Variants in UGT3A1 observed in about 807,000 individuals in gnomAD.
UGT3A1 encodes the protein UDP-glycosyltransferase 3A1.
A neutral mutation model predicts 37.6 loss-of-function variants in UGT3A1; 40 were observed. The observed-to-expected ratio is 1.06, with a 90% CI of 0.83 to 1.38. UGT3A1 has a LOEUF of 1.38. UGT3A1 is among the 40% of genes most tolerant of loss of function. UGT3A1 has a pLI of 0.00. For synonymous variants in UGT3A1, 256 were observed against 232.3 expected (o/e 1.10, Z -0.93); for missense variants, 642 against 634.2 (o/e 1.01, Z -0.13).
upstream of UGT3A1, chr5:35,991,593 G>A: frequency 9.6e-7 from 1 of 1,037,390 alleles, no homozygotes; most frequent in Non-Finnish European, 1.2e-6. Flanking sequence ...AGTAAATCAC[G>A]TTAATGAAGG....
rs575358058 is a variant in UGT3A1 at position 36,000,090 on chromosome 5, A to G, written c.-160+878T>C. Reference sequence around the variant, plus strand: ...TCCTCAGGCCTGGTGGAGAGGCCCAATGGAATAATTAAAACATATCTAAGT... The same window carrying G: ...TCCTCAGGCCTGGTGGAGAGGCCCAGTGGAATAATTAAAACATATCTAAGT... On this transcript the variant is annotated intron_variant, in intron 1 of 5. Coordinates refer to the UGT3A1 transcript ENST00000625798. 3.8e-4 allele frequency among the ~76,000 whole-genome samples: 58 copies of G among 152,314 alleles called. 1 individual carries two copies. The highest frequency in any genetic ancestry group is 3.4e-3 in the Middle Eastern group (1 of 294).
At chr5:35,994,310 A>AGTTTT (rs1160523158), upstream of UGT3A1, among the ~76,000 whole-genome samples, 6 of 138,764 alleles carry the variant, frequency 4.3e-5, no homozygotes, top group East Asian at 4.2e-4. Context: ...TGTTGTTTCT[A>AGTTTT]GTTTTGTTTT....
chr5:35,985,079 T>TTAA (rs1554074567), intron 2 of UGT3A1, among the ~76,000 whole-genome samples: 138 of 116,030 alleles, frequency 1.2e-3, no homozygotes, highest in African/African-American at 4.4e-3. Flanking sequence ...ACATAAAATA[T>TTAA]AAAAAAAAAA....
intron 2 of UGT3A1, among the ~76,000 whole-genome samples, chr5:35,983,319 C>T (rs1302140412): frequency 6.6e-6 from 1 of 151,934 alleles, no homozygotes; most frequent in African/African-American, 2.4e-5. Context: ...GTATAAATTC[C>T]AAGGCACGTA....
upstream of UGT3A1, among the ~76,000 whole-genome samples, chr5:35,995,434 G>A (rs371723491): frequency 6.6e-6 from 1 of 152,164 alleles, no homozygotes; most frequent in East Asian, 1.9e-4. Context: ...CTGGTCAAAG[G>A]CTGAATTACG....
At chr5:35,955,396 C>G (rs1739311644) in intron 6 of UGT3A1, 8 of 597,984 alleles carry the variant, frequency 1.3e-5, no homozygotes, top group Middle Eastern at 4.4e-4. Flanking sequence ...TAAGATCAGT[C>G]AAAGAGATCA....
At chr5:36,000,107 T>C (rs1248946083) in intron 1 of UGT3A1, among the ~76,000 whole-genome samples, 5 of 152,192 alleles carry the variant, frequency 3.3e-5, no homozygotes, top group Non-Finnish European at 7.3e-5. Flanking sequence ...AATTAAAACA[T>C]ATCTAAGTTC....
intron 6 of UGT3A1, chr5:35,954,682 A>T: frequency 1.7e-6 from 1 of 595,330 alleles, no homozygotes; most frequent in East Asian, 2.8e-5. Context: ...ACCCACATAC[A>T]AAGACCAATG....
At chr5:35,974,086 A>T (rs10070851) in intron 2 of UGT3A1, among the ~76,000 whole-genome samples, 19,743 of 152,182 alleles carry the variant, frequency 0.13, 1,863 homozygotes, top group East Asian at 0.38. Context: ...AAGAGGAGGC[A>T]AAGTACCTTG....
intron 2 of UGT3A1, among the ~76,000 whole-genome samples, chr5:35,981,697 G>A (rs1398655432): frequency 1.3e-5 from 2 of 152,344 alleles, no homozygotes; most frequent in Middle Eastern, 3.4e-3. Flanking sequence ...ACCTGACCAT[G>A]TGGTAGAAAA....
At chr5:35,963,854 G>T (rs1222492921) in intron 4 of UGT3A1, among the ~76,000 whole-genome samples, 2 of 152,200 alleles carry the variant, frequency 1.3e-5, no homozygotes, top group Non-Finnish European at 2.9e-5. Flanking sequence ...CACTGCTCAT[G>T]CCTGTAGTTG....
At chr5:35,972,436 A>T (rs1740081156) in intron 2 of UGT3A1, among the ~76,000 whole-genome samples, 1 of 151,506 alleles carries the variant, frequency 6.6e-6, no homozygotes, top group Non-Finnish European at 1.5e-5. Context: ...TGCCTACCTG[A>T]CCTATAGATT....
chr5:35,965,560 G>A lies in UGT3A1; in HGVS notation c.669C>T (p.Asn223=), dbSNP rs752068122. 1.2e-6 allele frequency: 2 copies of A among 1,614,188 alleles called. No homozygotes were observed. The highest frequency in any genetic ancestry group is 1.1e-5 in the South Asian group (1 of 91,084). The change falls in exon 4 of 7, where the codon AAC becomes AAT. Residue 223 remains asparagine, a synonymous_variant. Coordinates refer to ENST00000274278, the MANE Select transcript of UGT3A1 (RefSeq NM_152404.4). Reference sequence around the variant, plus strand: ...CTTCTGGGAAATGCTCCTTGATGGTGTTGTCAAATGTAGACTGCATGTCCC... The same window carrying A: ...CTTCTGGGAAATGCTCCTTGATGGTATTGTCAAATGTAGACTGCATGTCCC... ...SQWDMQSTFD[N]TIKEHFPEGS... is the part of the protein sequence containing the mutation.
intron 2 of UGT3A1, among the ~76,000 whole-genome samples, chr5:35,972,451 A>G (rs1025294081): frequency 6.6e-6 from 1 of 150,832 alleles, no homozygotes; most frequent in African/African-American, 2.4e-5. Context: ...TAGATTTTGG[A>G]CTTGCTAACA....
chr5:35,976,469 T>A (rs530469673), intron 2 of UGT3A1, among the ~76,000 whole-genome samples: 1 of 152,312 alleles, frequency 6.6e-6, no homozygotes, highest in African/African-American at 2.4e-5. Context: ...GTACAGCCAC[T>A]TTAGGAAAAG....
chr5:35,976,122 G>A (rs1740258582), intron 2 of UGT3A1, among the ~76,000 whole-genome samples: 1 of 152,102 alleles, frequency 6.6e-6, no homozygotes, highest in African/African-American at 2.4e-5. Flanking sequence ...AGGAAGGAAT[G>A]TTTCCACCAA....
rs1739206925 is a variant in UGT3A1 at position 35,951,891 on chromosome 5, C to T, written c.*2311G>A. ...AGTGTGAAGTCTGGATCAAATATTG[C>T]CTTTTTTCTCAATATTATCCAGTTG... is the stretch of plus-strand genomic sequence containing the variant. On this transcript the variant is annotated 3_prime_UTR_variant, in exon 7 of 7. Coordinates refer to ENST00000274278, the MANE Select transcript of UGT3A1 (RefSeq NM_152404.4). 1 of 152,120 alleles carries T rather than the reference C, an allele frequency of 6.6e-6. No individual in the cohort carries two copies. The highest frequency in any genetic ancestry group is 6.6e-5 in the Admixed American group (1 of 15,266). 9.4% of individuals were successfully genotyped at this position (152,120 alleles called of 1,614,324 possible).
chr5:35,967,921 C>T, intron 3 of UGT3A1, 98 bp downstream of exon 3: 1 of 884,406 alleles, frequency 1.1e-6, no homozygotes. Context: ...ACCCACCCAT[C>T]TATTTCTCTA....
chr5:35,952,970 C>G lies in UGT3A1; in HGVS notation c.*1232G>C, dbSNP rs1403450354. 6.6e-6 allele frequency: 1 copy of G among 152,214 alleles called. No homozygotes were observed. Among genetic ancestry groups the G allele is most frequent in the Non-Finnish European group, 1.5e-5 (1 of 68,028 alleles). 9.4% of individuals were successfully genotyped at this position (152,214 alleles called of 1,614,324 possible). A position where few individuals can be genotyped will look rare whatever the true frequency, so the allele number is the denominator to read the frequency against. On this transcript the variant is annotated 3_prime_UTR_variant, in exon 7 of 7. Coordinates refer to ENST00000274278, the MANE Select transcript of UGT3A1 (RefSeq NM_152404.4). ...ATTTGTAACAGTTTCATCTTTTGAT[C>G]TGAATTGTTTCAAGATCTGTTTCAC...
Sources: gnomAD v4.1 joint callset for allele counts (sites outside exome capture counted in the v4.1 genomes callset) on GRCh38, gnomAD v4.1.1 for gene constraint, MANE v1.5 for transcripts, NCBI Gene and HGNC (gene_info 2026-07-23, HGNC 2026-07-21) for gene names.